Variants in ARAP1 observed in about 807,000 individuals in gnomAD.
ARAP1 encodes the protein arf-GAP with Rho-GAP domain, ANK repeat and PH domain-containing protein 1.
ARAP1 carries 76 observed loss-of-function variants against 172.2 expected under a neutral mutation model. That is an observed-to-expected ratio of 0.44 (90% CI 0.37 to 0.53). ARAP1 has a LOEUF of 0.53. Ranked by LOEUF, ARAP1 falls within the 20% of genes least tolerant of loss-of-function variation. The pLI is 0.00. For missense variants in ARAP1, 1,686 were observed against 1,977.5 expected (o/e 0.85, Z 2.80); for synonymous variants, 804 against 803.3 (o/e 1.00, Z -0.01).
intron 12 of ARAP1, among the ~76,000 whole-genome samples, chr11:72,706,209 A>T (rs1856753989): frequency 6.6e-6 from 1 of 152,156 alleles, no homozygotes; most frequent in South Asian, 2.1e-4. Flanking sequence ...CCTGACTTCT[A>T]ATCCCTGCTT....
At chr11:72,709,811 A>G (rs557092308) in intron 11 of ARAP1, 59 bp downstream of exon 11, 1 of 1,581,598 alleles carries the variant, frequency 6.3e-7, no homozygotes, top group East Asian at 2.2e-5. Context: ...CACGTCGCGC[A>G]AAAGGAAAAC....
chr11:72,687,670 G>A lies in ARAP1; in HGVS notation c.4121+18C>T. On this transcript the variant is annotated intron_variant, in intron 32 of 34. Transcript: ENST00000393609. Reference sequence around the variant, plus strand: ...ATCTTTCCTCAGCCTGGGATCTCAGGATGAGGCGCTCACTCACCACTGCTG... The same window carrying A: ...ATCTTTCCTCAGCCTGGGATCTCAGAATGAGGCGCTCACTCACCACTGCTG... 2 of 1,614,174 alleles carry A rather than the reference G, an allele frequency of 1.2e-6. No individual in the cohort carries two copies. The highest frequency in any genetic ancestry group is 1.7e-6 in the Non-Finnish European group (2 of 1,180,022).
At chr11:72,703,171 A>G (rs957651262) in intron 14 of ARAP1, 92 bp from the exon 15 acceptor site, 284 of 1,293,774 alleles carry the variant, frequency 2.2e-4, no homozygotes, top group Non-Finnish European at 2.9e-4. Context: ...AAAAGGAAGG[A>G]GTCACCCAGG....
intron 16 of ARAP1, among the ~76,000 whole-genome samples, chr11:72,700,886 T>A (rs534877748): frequency 5.5e-4 from 84 of 152,270 alleles, no homozygotes; most frequent in South Asian, 1.0e-3. Flanking sequence ...TAATCCCAGC[T>A]ACTCGGGAGG....
At position 72,710,696 on chromosome 11, in the gene ARAP1, G is replaced by T; in HGVS notation, c.1214-109C>A. Reference sequence around the variant, plus strand: ...CCTCCTCCAGAAAGCCCACTCAGATGCCCCCATCATTTTGCTTGACTTCTC... The same window carrying T: ...CCTCCTCCAGAAAGCCCACTCAGATTCCCCCATCATTTTGCTTGACTTCTC... On this transcript the variant is annotated intron_variant, in intron 9 of 34. Coordinates refer to ENST00000393609, the MANE Select transcript of ARAP1 (RefSeq NM_001040118.3). The surrounding 1 kb of genome is among the most constrained non-coding windows in gnomAD (Gnocchi z 4.3). 1 of 1,202,044 alleles carries T rather than the reference G, an allele frequency of 8.3e-7. No individual in the cohort carries two copies. The highest frequency in any genetic ancestry group is 1.1e-6 in the Non-Finnish European group (1 of 881,056). 74.5% of individuals were successfully genotyped at this position (1,202,044 alleles called of 1,614,324 possible). A position where few individuals can be genotyped will look rare whatever the true frequency, so the allele number is the denominator to read the frequency against.
At chr11:72,714,918 C>A (rs536517047) in intron 3 of ARAP1, among the ~76,000 whole-genome samples, 1 of 152,292 alleles carries the variant, frequency 6.6e-6, no homozygotes, top group Non-Finnish European at 1.5e-5. Context: ...CTACCTCACC[C>A]CACTCACTCA....
At chr11:72,722,643 G>A (rs1244330134) in intron 3 of ARAP1, among the ~76,000 whole-genome samples, 1 of 152,248 alleles carries the variant, frequency 6.6e-6, no homozygotes, top group Non-Finnish European at 1.5e-5. Flanking sequence ...CTGCAGGGCA[G>A]TCAAGGGCAC....
At chr11:72,734,026 A>G (rs938358435) in intron 1 of ARAP1, among the ~76,000 whole-genome samples, 2 of 152,082 alleles carry the variant, frequency 1.3e-5, no homozygotes, top group African/African-American at 2.4e-5. Context: ...TGGTTTTGCC[A>G]TGTTGGCCAG....
In ARAP1 at chr11:72,723,377, C is replaced by A. The variant is rs566755754; in HGVS notation, c.509+3243G>T. On this transcript the variant is annotated intron_variant, in intron 3 of 34. Coordinates refer to ENST00000393609, the MANE Select transcript of ARAP1 (RefSeq NM_001040118.3). ...GCAGACTCTGGGGGTGATGTAGAGTCCCCCTAGGCCAGGCAGAATCATGAG... is the reference window on the plus strand; with the variant it reads ...GCAGACTCTGGGGGTGATGTAGAGTACCCCTAGGCCAGGCAGAATCATGAG... 4.6e-5 allele frequency among the ~76,000 whole-genome samples: 7 copies of A among 152,202 alleles called. No individual in the cohort carries two copies. In the East Asian group the frequency reaches 1.4e-3, roughly 29 times the overall value.
At position 72,698,916 on chromosome 11, in the gene ARAP1, C is replaced by T. The variant is rs188955145; in HGVS notation, c.2541+89G>A. 2.6e-4 allele frequency: 356 copies of T among 1,345,980 alleles called. 11 individuals carry two copies. In the East Asian group the frequency reaches 4.3e-3, roughly 16 times the overall value. The allele number at this position is 1,345,980 out of a possible 1,614,324, so 83.4% of individuals were successfully genotyped here. On this transcript the variant is annotated intron_variant, in intron 18 of 34. Transcript: ENST00000393609. ...CTGCATCTAGCTTCTGCTCTCTAGA[C>T]GGGGGAGCTGGGATACATGGGATTG...
intron 3 of ARAP1, among the ~76,000 whole-genome samples, chr11:72,723,227 G>T (rs1050463830): frequency 2.0e-5 from 3 of 152,110 alleles, no homozygotes; most frequent in African/African-American, 7.2e-5. Context: ...AGGATTGCTT[G>T]AGCCCAGGAG....
At chr11:72,716,951 T>A (rs1410008490) in intron 3 of ARAP1, among the ~76,000 whole-genome samples, 1 of 152,112 alleles carries the variant, frequency 6.6e-6, no homozygotes, top group African/African-American at 2.4e-5. Flanking sequence ...GAAGACCCCC[T>A]GGTGGGCACT....
rs1299642282 is a variant in ARAP1 at position 72,725,883 on chromosome 11, C to G, written c.509+737G>C. Among the ~76,000 whole-genome samples the G allele has an allele frequency of 6.6e-6, 1 of 152,162 alleles. No individual in the cohort carries two copies. The highest frequency in any genetic ancestry group is 1.5e-5 in the Non-Finnish European group (1 of 68,026). Reference sequence around the variant, plus strand: ...GCCTCACTTCGCCCAAGTGCTCCACCAAATCTCCCTCACCCCAAACACATA... The same window carrying G: ...GCCTCACTTCGCCCAAGTGCTCCACGAAATCTCCCTCACCCCAAACACATA... On this transcript the variant is annotated intron_variant, in intron 3 of 34. Coordinates refer to ENST00000393609, the MANE Select transcript of ARAP1 (RefSeq NM_001040118.3). The surrounding 1 kb of genome is among the most constrained non-coding windows in gnomAD (Gnocchi z 4.3).
chr11:72,704,384 G>A (rs199578604), intron 13 of ARAP1, 50 bp from the exon 14 acceptor site: 126 of 1,488,516 alleles, frequency 8.5e-5, no homozygotes, highest in Non-Finnish European at 9.9e-5. Flanking sequence ...GCCAGGGGCC[G>A]TGCCGGGCAG....
intron 3 of ARAP1, among the ~76,000 whole-genome samples, chr11:72,719,254 C>G (rs1189143200): frequency 6.6e-6 from 1 of 152,218 alleles, no homozygotes; most frequent in Non-Finnish European, 1.5e-5. Context: ...CAAGGTCACC[C>G]TCCTCTTACC....
Position 72,694,999 on chromosome 11 carries a change from G to C in ARAP1, c.3675C>G (p.Val1225=). The C allele has an allele frequency of 6.2e-7, 1 of 1,613,982 alleles. No homozygotes were observed. Among genetic ancestry groups the C allele is most frequent in the African/African-American group, 1.3e-5 (1 of 75,032 alleles). The change falls in exon 27 of 35, where the codon GTC becomes GTG. Residue 1225 remains valine, a synonymous_variant. Transcript: ENST00000393609. ...REKDYWTCFE[V]NEREEAERPL... is the part of the protein sequence containing the mutation. ...ACCCACCTGCCTCCTCCCTCTCGTT[G>C]ACCTCAAAGCAGGTCCAATAGTCCT...
intron 33 of ARAP1, 53 bp downstream of exon 33, chr11:72,687,386 A>G (rs1246114432): frequency 1.2e-6 from 2 of 1,608,172 alleles, no homozygotes; most frequent in Non-Finnish European, 1.7e-6. Flanking sequence ...CCCATTCTCC[A>G]TAATGGAAGC....
chr11:72,740,460 T>C (rs1487078628), intron 1 of ARAP1, among the ~76,000 whole-genome samples: 1 of 152,184 alleles, frequency 6.6e-6, no homozygotes, highest in Non-Finnish European at 1.5e-5. Flanking sequence ...CAATTATCAC[T>C]TTTATAATTA....
At position 72,687,489 on chromosome 11, in the gene ARAP1, C is replaced by T. The variant is rs773484313; in HGVS notation, c.4135G>A (p.Asp1379Asn). ...CACTCCCGGAGCTCCATCTGTGTGT[C>T]ACAGCAGAGGTACCTGCAGGGTTGG... ...HEKQQWYLCC[D>N]TQMELREWFA... The change falls in exon 33 of 35, where the codon GAC becomes AAC. Residue 1379 changes from aspartate (D) to asparagine (N), a missense_variant. Around this residue, in one of 5 missense-constraint regions of ARAP1, gnomAD observed 379 missense variants for 500.1 expected, o/e 0.76. Transcript: ENST00000393609. The T allele has an allele frequency of 3.7e-6, 6 of 1,614,042 alleles. No homozygotes were observed. Among genetic ancestry groups the T allele is most frequent in the Admixed American group, 1.7e-5 (1 of 60,004 alleles).
Sources: gnomAD v4.1 joint callset for allele counts (sites outside exome capture counted in the v4.1 genomes callset) on GRCh38, gnomAD v4.1.1 for gene constraint, gnomAD v4.1.1 regional missense constraint, Gnocchi (gnomAD v3.1) non-coding constraint, MANE v1.5 for transcripts, NCBI Gene and HGNC (gene_info 2026-07-23, HGNC 2026-07-21) for gene names.